The following ESCO1 variants were observed in gnomAD, a reference collection of about 807,000 sequenced individuals.
The protein encoded by ESCO1 is N-acetyltransferase ESCO1.
A neutral mutation model predicts 83.5 loss-of-function variants in ESCO1; 33 were observed. The observed-to-expected ratio is 0.40, with a 90% CI of 0.30 to 0.53. The LOEUF (loss-of-function observed/expected upper bound fraction) is 0.53, where lower values mean the gene tolerates loss of function less well. ESCO1 is among the 20% of genes least tolerant of loss of function. The pLI, the probability that ESCO1 is intolerant of heterozygous loss-of-function variation, is 0.63. For missense variants in ESCO1, 855 were observed against 968.0 expected (o/e 0.88, Z 1.55); for synonymous variants, 332 against 324.3 (o/e 1.02, Z -0.25).
intron 2 of ESCO1, among the ~76,000 whole-genome samples, chr18:21,576,116 A>T (rs1485946083): frequency 6.6e-6 from 1 of 152,260 alleles, no homozygotes; most frequent in Non-Finnish European, 1.5e-5. Context: ...TATACATAGA[A>T]AAAGACTGAA....
At position 21,532,665 on chromosome 18, in the gene ESCO1, A is replaced by G. The variant is rs767748637; in HGVS notation, c.2188-5T>C. On this transcript the variant is annotated splice_polypyrimidine_tract_variant and splice_region_variant and intron_variant, in intron 10 of 11. Transcript: ENST00000269214. ...CTCTTCTATAACTCTGTAGCCCTAC[A>G]GGTGTCAAAAATGGGGAAAAAATTT... 4 of 1,605,392 alleles carry G rather than the reference A, an allele frequency of 2.5e-6. No individual in the cohort carries two copies. Among genetic ancestry groups the G allele is most frequent in the Non-Finnish European group, 3.4e-6 (4 of 1,175,622 alleles).
At chr18:21,557,919 G>C (rs1426805313) in intron 8 of ESCO1, among the ~76,000 whole-genome samples, 1 of 151,930 alleles carries the variant, frequency 6.6e-6, no homozygotes, top group Non-Finnish European at 1.5e-5. Context: ...CAGAGTCCAG[G>C]CTCCACCTGA....
At chr18:21,538,534 T>C (rs984570266) in intron 9 of ESCO1, among the ~76,000 whole-genome samples, 1 of 152,204 alleles carries the variant, frequency 6.6e-6, no homozygotes, top group African/African-American at 2.4e-5. Flanking sequence ...CTTATTTGGG[T>C]ATCTAAGATT....
In ESCO1 at chr18:21,575,259, CT is replaced by C. The variant is rs563281972; in HGVS notation, c.-417del. 9.5e-3 allele frequency: 3,692 copies of C among 388,738 alleles called. 33 individuals carry two copies. Among genetic ancestry groups the C allele is most frequent in the Non-Finnish European group, 0.014 (3,004 of 220,276 alleles). 24.1% of individuals were successfully genotyped at this position (388,738 alleles called of 1,614,324 possible). On this transcript the variant is annotated 5_prime_UTR_variant, in exon 4 of 12. An upstream open reading frame in the 5' UTR loses its in-frame stop. Transcript: ENST00000269214. ...CCTGTTTTGATAAAATTTTTGAAAA[CT>C]TTTTTCTTCTGAAGTCTACAGTTAT...
chr18:21,595,196 T>C (rs550117615), intron 1 of ESCO1, among the ~76,000 whole-genome samples: 4 of 152,030 alleles, frequency 2.6e-5, no homozygotes, highest in African/African-American at 9.7e-5. Context: ...ATGCTGGGTA[T>C]AGGCATATTC....
chr18:21,595,193 GTA>G (rs1453730479), intron 1 of ESCO1, among the ~76,000 whole-genome samples: 1 of 151,804 alleles, frequency 6.6e-6, no homozygotes, highest in African/African-American at 2.4e-5. Context: ...TAGATGCTGG[GTA>G]TAGGCATATT....
Position 21,573,428 on chromosome 18 carries a change from A to C in ESCO1, c.1416T>G (p.Ile472Met). 1 of 1,612,054 alleles carries C rather than the reference A, an allele frequency of 6.2e-7. No individual in the cohort carries two copies. Among genetic ancestry groups the C allele is most frequent in the Non-Finnish European group, 8.5e-7 (1 of 1,179,470 alleles). ...CAGGAGCCCTTTCTGTGGTTTTATT[A>C]ATTTCTACTGTAATATCATTAATTT... ...EVKINDITVEINKTTERAPEN... is the reference protein window; with the variant it reads ...EVKINDITVEMNKTTERAPEN... Residue 472 changes from isoleucine (I) to methionine (M), a missense_variant, in exon 4 of 12, where the codon ATT becomes ATG. Ile to Met is a conservative substitution (Grantham distance 10, BLOSUM62 1). This residue lies in a region of ESCO1 where 726 missense variants were observed against 699.5 expected (regional missense o/e 1.04). Coordinates refer to ENST00000269214, the MANE Select transcript of ESCO1 (RefSeq NM_052911.3).
intron 10 of ESCO1, 25 bp from the exon 11 acceptor site, chr18:21,532,685 A>G: frequency 1.2e-6 from 2 of 1,600,914 alleles, no homozygotes; most frequent in Non-Finnish European, 1.7e-6. Flanking sequence ...AATGGGGAAA[A>G]AATTTAAGTG....
Position 21,563,128 on chromosome 18 carries a change from C to T in ESCO1, c.1821+1075G>A, listed in dbSNP as rs528867564. On this transcript the variant is annotated intron_variant, in intron 7 of 11. Coordinates refer to ENST00000269214, the MANE Select transcript of ESCO1 (RefSeq NM_052911.3). ...TCAGGTGATCCGCCCATTTCGGCCT[C>T]CCAAAGTGCTGGAATTACAGGCGTG... is the stretch of plus-strand genomic sequence containing the variant. Among the ~76,000 whole-genome samples the T allele has an allele frequency of 3.6e-4, 54 of 152,050 alleles. 1 individual carries two copies. The South Asian group carries it at 8.8e-3, about 25-fold the overall frequency.
In ESCO1 at chr18:21,539,960, A is replaced by G; in HGVS notation, c.2003T>C (p.Ile668Thr). 1 of 1,613,692 alleles carries G rather than the reference A, an allele frequency of 6.2e-7. No homozygotes were observed. The highest frequency in any genetic ancestry group is 8.5e-7 in the Non-Finnish European group (1 of 1,179,872). ...CTTTGGGTCTTCAGGAAGAACCATTATTATCCTGCCATCAGGGTATTCAGC... is the reference window on the plus strand; with the variant it reads ...CTTTGGGTCTTCAGGAAGAACCATTGTTATCCTGCCATCAGGGTATTCAGC... ...ILAEYPDGRI[I>T]MVLPEDPKYA... is the part of the protein sequence containing the mutation. Residue 668 changes from isoleucine to threonine, a missense_variant, in exon 9 of 12, where the codon ATA becomes ACA. Around this residue, in one of 2 missense-constraint regions of ESCO1, gnomAD observed 129 missense variants for 268.5 expected, o/e 0.48. Coordinates refer to ENST00000269214, the MANE Select transcript of ESCO1 (RefSeq NM_052911.3).
chr18:21,581,735 T>C (rs543526106), intron 2 of ESCO1, among the ~76,000 whole-genome samples: 9 of 152,260 alleles, frequency 5.9e-5, no homozygotes, highest in African/African-American at 2.2e-4. Flanking sequence ...TACTCAACAA[T>C]TGCTGCTAGC....
Position 21,530,399 on chromosome 18 carries a change from A to C in ESCO1, c.2467T>G (p.Cys823Gly), listed in dbSNP as rs753427250. The C allele has an allele frequency of 6.2e-7, 1 of 1,602,112 alleles. No individual in the cohort carries two copies. The highest frequency in any genetic ancestry group is 1.3e-5 in the African/African-American group (1 of 74,252). ...TATACCAGAAATTGACCAGTGCCACAGTACTGTGTTGCAAACAGCTTTCCA... is the reference window on the plus strand; with the variant it reads ...TATACCAGAAATTGACCAGTGCCACCGTACTGTGTTGCAAACAGCTTTCCA... ...PDGKLFATQYCGTGQFLVYNF... is the reference protein window; with the variant it reads ...PDGKLFATQYGGTGQFLVYNF... Residue 823 changes from cysteine to glycine, a missense_variant, in exon 12 of 12, where the codon TGT becomes GGT. Around this residue, in one of 2 missense-constraint regions of ESCO1, gnomAD observed 129 missense variants for 268.5 expected, o/e 0.48. Coordinates refer to ENST00000269214, the MANE Select transcript of ESCO1 (RefSeq NM_052911.3).
At chr18:21,580,485 T>C (rs2038487016) in intron 2 of ESCO1, among the ~76,000 whole-genome samples, 1 of 152,156 alleles carries the variant, frequency 6.6e-6, no homozygotes, top group Non-Finnish European at 1.5e-5. Context: ...ATTTTTCAGA[T>C]GTGCAGGGTG....
chr18:21,551,704 A>G (rs1338114750), intron 8 of ESCO1, among the ~76,000 whole-genome samples: 2 of 152,272 alleles, frequency 1.3e-5, no homozygotes, highest in Admixed American at 6.5e-5. Context: ...TTATCTACCA[A>G]TTCTCTCCCA....
At chr18:21,552,604 T>C (rs1195297034) in intron 8 of ESCO1, among the ~76,000 whole-genome samples, 1 of 152,312 alleles carries the variant, frequency 6.6e-6, no homozygotes, top group Non-Finnish European at 1.5e-5. Flanking sequence ...CAGTTCTTTA[T>C]AGCAGCGTGA....
At chr18:21,562,884 T>C (rs1435235775) in intron 7 of ESCO1, among the ~76,000 whole-genome samples, 1 of 152,050 alleles carries the variant, frequency 6.6e-6, no homozygotes, top group Non-Finnish European at 1.5e-5. Context: ...ATTTTTTTTT[T>C]TTTTGAGATG....
Position 21,532,496 on chromosome 18 carries a change from A to C in ESCO1, c.2352T>G (p.Ala784=). ...ACCTTAGGCATTCAATCATGCGAGA[A>C]GCAATTTTCTTCCGACGCATCATGC... ...VFSMMRRKKI[A]SRMIECLRSN... The change falls in exon 11 of 12, where the codon GCT becomes GCG. Residue 784 remains alanine, a synonymous_variant. Transcript: ENST00000269214. 6.2e-7 allele frequency: 1 copy of C among 1,612,968 alleles called. No homozygotes were observed. Among genetic ancestry groups the C allele is most frequent in the East Asian group, 2.2e-5 (1 of 44,850 alleles).
At chr18:21,579,792 G>GCACA (rs755372639) in intron 2 of ESCO1, among the ~76,000 whole-genome samples, 13 of 135,066 alleles carry the variant, frequency 9.6e-5, no homozygotes, top group East Asian at 4.4e-4. Context: ...ACACGCGCGC[G>GCACA]CGCACACACA....
intron 8 of ESCO1, among the ~76,000 whole-genome samples, chr18:21,547,735 G>A (rs1034062174): frequency 6.6e-6 from 1 of 152,128 alleles, no homozygotes; most frequent in African/African-American, 2.4e-5. Context: ...TAAGCAAAGT[G>A]TTAAAATAGT....
Sources: allele counts gnomAD v4.1 joint callset (sites outside exome capture counted in the v4.1 genomes callset), GRCh38; gene constraint gnomAD v4.1.1; regional missense constraint gnomAD v4.1.1; transcripts MANE v1.5; gene names NCBI Gene and HGNC (gene_info 2026-07-23, HGNC 2026-07-21).